Variants in MRPS28 observed in about 807,000 individuals in gnomAD.
MRPS28 encodes mitochondrial ribosomal protein S28, also known as small ribosomal subunit protein bS1m.
Under a neutral mutation model 10.8 loss-of-function variants are expected in MRPS28, and 7 were observed. The ratio of observed to expected loss-of-function variants is 0.65; its 90% CI spans 0.37 to 1.22. The LOEUF (loss-of-function observed/expected upper bound fraction) is 1.22. MRPS28 is among the 50% of genes most tolerant of loss of function. The pLI, the probability that MRPS28 is intolerant of heterozygous loss-of-function variation, is 0.02. For missense variants in MRPS28, 265 were observed against 232.9 expected (o/e 1.14, Z -0.90); for synonymous variants, 121 against 93.3 (o/e 1.30, Z -1.71).
intron 2 of MRPS28, among the ~76,000 whole-genome samples, chr8:79,933,118 T>G (rs1011863652): frequency 2.6e-5 from 4 of 152,240 alleles, no homozygotes; most frequent in African/African-American, 9.6e-5. Flanking sequence ...TTTATATATG[T>G]GTATATTAGT....
intron 2 of MRPS28, among the ~76,000 whole-genome samples, chr8:79,977,948 T>C (rs1414428045): frequency 1.3e-5 from 2 of 152,064 alleles, no homozygotes; most frequent in Non-Finnish European, 2.9e-5. Context: ...CCTATTTCCC[T>C]TTTTCTTACA....
intron 2 of MRPS28, among the ~76,000 whole-genome samples, chr8:79,983,798 T>C (rs1027013099): frequency 6.6e-5 from 10 of 152,210 alleles, no homozygotes; most frequent in Admixed American, 2.6e-4. Flanking sequence ...CTATGTCTGA[T>C]TGGTGTACCT....
At chr8:80,024,534 C>G in intron 1 of MRPS28, among the ~76,000 whole-genome samples, 1 of 152,090 alleles carries the variant, frequency 6.6e-6, no homozygotes, top group South Asian at 2.1e-4. Flanking sequence ...TGTGTATGGG[C>G]TTATTTCTGA....
At chr8:79,931,624 T>C (rs969542295) in intron 2 of MRPS28, among the ~76,000 whole-genome samples, 1 of 152,144 alleles carries the variant, frequency 6.6e-6, no homozygotes, top group Non-Finnish European at 1.5e-5. Context: ...TAGGAAATAA[T>C]GCATATAAAA....
intron 2 of MRPS28, among the ~76,000 whole-genome samples, chr8:79,937,650 A>C (rs1025523246): frequency 6.6e-6 from 1 of 152,214 alleles, no homozygotes; most frequent in Non-Finnish European, 1.5e-5. Flanking sequence ...TGAAGTTTTT[A>C]TTTTTTAAAT....
intron 1 of MRPS28, chr8:80,029,753 C>T (rs1480706369): frequency 8.1e-6 from 12 of 1,478,394 alleles, no homozygotes; most frequent in Admixed American, 2.0e-5. Context: ...GCGCTCCCCG[C>T]TGGTTACCTT....
chr8:79,918,987 T>C lies in MRPS28; in HGVS notation c.557A>G (p.Glu186Gly). ...CCACTAAGCAAAGTTCATTTATTTT[T>C]CATGATGTTCTTCTTTCGATCTTGA... is the stretch of plus-strand genomic sequence containing the variant. ...KDSRSKEEHH[E>G]K Residue 186 changes from glutamate (E) to glycine (G), a missense_variant, in exon 3 of 3, where the codon GAA becomes GGA. Glu to Gly is a moderately conservative substitution (Grantham distance 98). Transcript: ENST00000276585. 1 of 1,549,240 alleles carries C rather than the reference T, an allele frequency of 6.5e-7. No individual in the cohort carries two copies. The highest frequency in any genetic ancestry group is 2.1e-5 in the Admixed American group (1 of 47,946).
chr8:79,987,742 A>C (rs1419035724), intron 2 of MRPS28, among the ~76,000 whole-genome samples: 2 of 152,238 alleles, frequency 1.3e-5, no homozygotes, highest in African/African-American at 2.4e-5. Flanking sequence ...ATCTCACACG[A>C]GTTAGAATGG....
At chr8:80,004,909 A>C (rs1244077076) in intron 1 of MRPS28, among the ~76,000 whole-genome samples, 2 of 152,184 alleles carry the variant, frequency 1.3e-5, no homozygotes, top group Non-Finnish European at 2.9e-5. Flanking sequence ...AAATTAATGA[A>C]AGGAAGTGAG....
At chr8:80,009,031 T>C (rs1489974065) in intron 1 of MRPS28, among the ~76,000 whole-genome samples, 2 of 152,180 alleles carry the variant, frequency 1.3e-5, no homozygotes, top group Non-Finnish European at 2.9e-5. Flanking sequence ...AACCCAAATG[T>C]CCATCAGTGA....
intron 2 of MRPS28, among the ~76,000 whole-genome samples, chr8:79,999,199 CTGACAG>C (rs1808589799): frequency 6.6e-6 from 1 of 152,196 alleles, no homozygotes; most frequent in Non-Finnish European, 1.5e-5. Context: ...AGTCAGAGGC[CTGACAG>C]TATAACTGCA....
At chr8:79,982,932 C>T (rs1321197243) in intron 2 of MRPS28, among the ~76,000 whole-genome samples, 2 of 138,172 alleles carry the variant, frequency 1.4e-5, no homozygotes, top group African/African-American at 2.8e-5. Context: ...CAGCACACAG[C>T]TGGAGATCTG....
intron 2 of MRPS28, among the ~76,000 whole-genome samples, chr8:79,919,762 A>G (rs1353469307): frequency 6.6e-6 from 1 of 152,234 alleles, no homozygotes; most frequent in Admixed American, 6.5e-5. Context: ...TCAAGGGGAA[A>G]AGAAGTTTCA....
At chr8:80,002,201 G>A (rs1808677768) in intron 2 of MRPS28, among the ~76,000 whole-genome samples, 1 of 151,748 alleles carries the variant, frequency 6.6e-6, no homozygotes, top group Non-Finnish European at 1.5e-5. Flanking sequence ...TCCACAATAT[G>A]ACCAATTTTT....
intron 2 of MRPS28, among the ~76,000 whole-genome samples, chr8:79,974,306 C>T (rs1047767999): frequency 6.6e-6 from 1 of 151,918 alleles, no homozygotes; most frequent in Non-Finnish European, 1.5e-5. Context: ...TTTGGGAGGC[C>T]GAGGTGGATG....
At chr8:80,016,413 CAA>C (rs201194420) in intron 1 of MRPS28, among the ~76,000 whole-genome samples, 6 of 137,932 alleles carry the variant, frequency 4.3e-5, no homozygotes, top group Middle Eastern at 3.7e-3. Flanking sequence ...TAAGAGGAAA[CAA>C]AAAAAAAAAA....
intron 2 of MRPS28, among the ~76,000 whole-genome samples, chr8:79,993,509 TC>T (rs779360766): frequency 2.2e-4 from 34 of 152,248 alleles, no homozygotes; most frequent in Middle Eastern, 6.8e-3. Context: ...AAAAAACCCC[TC>T]CAATGCTATT....
intron 2 of MRPS28, among the ~76,000 whole-genome samples, chr8:80,000,407 A>T (rs1808630073): frequency 1.3e-5 from 2 of 152,228 alleles, no homozygotes; most frequent in African/African-American, 4.8e-5. Flanking sequence ...ACCTTTAAAA[A>T]GACTCTAATA....
At chr8:79,942,128 A>C (rs188461279) in intron 2 of MRPS28, among the ~76,000 whole-genome samples, 1 of 152,262 alleles carries the variant, frequency 6.6e-6, no homozygotes, top group East Asian at 1.9e-4. Context: ...GAACACAATA[A>C]ACTTAAAACT....
Sources: allele counts gnomAD v4.1 joint callset (sites outside exome capture counted in the v4.1 genomes callset), GRCh38; gene constraint gnomAD v4.1.1; transcripts MANE v1.5; gene names NCBI Gene and HGNC (gene_info 2026-07-23, HGNC 2026-07-21).